The following TOMM70 variants were observed in gnomAD, a reference collection of about 807,000 sequenced individuals.
The protein encoded by TOMM70 is translocase of outer mitochondrial membrane 70, also known as mitochondrial import receptor subunit TOM70.
In TOMM70, 13 loss-of-function variants were observed where a neutral mutation model predicts 73.6. That is an observed-to-expected ratio of 0.18 (90% CI 0.11 to 0.28). The LOEUF (loss-of-function observed/expected upper bound fraction) is 0.28. Ranked by LOEUF, TOMM70 falls within the 10% of genes least tolerant of loss-of-function variation. The probability of loss-of-function intolerance (pLI) is 1.00; values close to 1 mark genes in which losing one functional copy is unlikely to be tolerated. For missense variants in TOMM70, 609 were observed against 747.5 expected, an observed-to-expected ratio of 0.81 and a Z score of 2.16; for synonymous variants, 257 against 271.2, an observed-to-expected ratio of 0.95 and a Z score of 0.51.
chr3:100,374,187 C>G (rs1227225198), intron 7 of TOMM70, among the ~76,000 whole-genome samples: 1 of 152,162 alleles, frequency 6.6e-6, no homozygotes, highest in Non-Finnish European at 1.5e-5. Context: ...GTTTTAGACA[C>G]ACAGATACTT....
intron 1 of TOMM70, among the ~76,000 whole-genome samples, chr3:100,396,073 G>C (rs1706823052): frequency 6.7e-6 from 1 of 148,332 alleles, no homozygotes; most frequent in Non-Finnish European, 1.5e-5. Flanking sequence ...AGCAGGAAAA[G>C]TTATGACATT....
intron 10 of TOMM70, 49 bp downstream of exon 10, chr3:100,368,989 C>A (rs1453274934): frequency 7.3e-7 from 1 of 1,378,850 alleles, no homozygotes; most frequent in Non-Finnish European, 1.0e-6. Flanking sequence ...CATTTTATTA[C>A]TATGCAAGAA....
intron 11 of TOMM70, 39 bp downstream of exon 11, chr3:100,368,005 G>A: frequency 6.3e-7 from 1 of 1,590,146 alleles, no homozygotes; most frequent in Non-Finnish European, 8.6e-7. Context: ...AAATATCTAT[G>A]GAGCTACCAT....
chr3:100,376,369 GTTTT>G (rs141227349), intron 6 of TOMM70, among the ~76,000 whole-genome samples: 1 of 121,774 alleles, frequency 8.2e-6, no homozygotes, highest in East Asian at 2.9e-4. Flanking sequence ...TCACACAGAA[GTTTT>G]TTTTTTTTTT....
intron 7 of TOMM70, 37 bp downstream of exon 7, chr3:100,374,981 C>A: frequency 1.3e-6 from 2 of 1,512,662 alleles, no homozygotes; most frequent in Non-Finnish European, 1.8e-6. Flanking sequence ...AAAGCTCAAT[C>A]CACAAGTCAG....
At chr3:100,378,009 G>C in intron 5 of TOMM70, 97 bp from the exon 6 acceptor site, 1 of 999,434 alleles carries the variant, frequency 1.0e-6, no homozygotes. Context: ...CACTTTGGGA[G>C]GCCGAGGTGG....
At chr3:100,396,311 A>G (rs1399096256) in intron 1 of TOMM70, among the ~76,000 whole-genome samples, 1 of 152,178 alleles carries the variant, frequency 6.6e-6, no homozygotes, top group Admixed American at 6.5e-5. Flanking sequence ...CTACTGTAGT[A>G]GGCTGGCTTA....
At position 100,384,544 on chromosome 3, in the gene TOMM70, TTTG is replaced by T; in HGVS notation, c.667_669del (p.Gln223del). ...AGAACTTTATCGGCTAACAGCATGC[TTTG>T]TTGATTTTGGAACCCTTCTAATATA... On this transcript the variant is annotated inframe_deletion, in exon 4 of 12. Coordinates refer to ENST00000284320, the MANE Select transcript of TOMM70 (RefSeq NM_014820.5). 6.2e-7 allele frequency: 1 copy of T among 1,610,484 alleles called. No individual in the cohort carries two copies. The highest frequency in any genetic ancestry group is 8.5e-7 in the Non-Finnish European group (1 of 1,178,898).
chr3:100,387,599 G>GACAC (rs71752325), intron 1 of TOMM70, among the ~76,000 whole-genome samples: 4,268 of 118,126 alleles, frequency 0.036, 107 homozygotes, highest in African/African-American at 0.068. Flanking sequence ...CACAGACACA[G>GACAC]ACACACACAC....
In TOMM70 at chr3:100,366,721, A is replaced by G. The variant is rs895507638; in HGVS notation, c.1674-1004T>C. ...TCAGAATGGATTTTTTCAAAGTTCAATTAACGTGAACAAAATTCCATCAAA... is the reference window on the plus strand; with the variant it reads ...TCAGAATGGATTTTTTCAAAGTTCAGTTAACGTGAACAAAATTCCATCAAA... On this transcript the variant is annotated intron_variant, in intron 11 of 11. Transcript: ENST00000284320. 7.0e-4 allele frequency among the ~76,000 whole-genome samples: 106 copies of G among 152,232 alleles called. 1 individual carries two copies. Among genetic ancestry groups the G allele is most frequent in the African/African-American group, 2.5e-3 (102 of 41,468 alleles).
intron 6 of TOMM70, among the ~76,000 whole-genome samples, chr3:100,376,909 AATC>A (rs1706572236): frequency 2.0e-5 from 3 of 152,214 alleles, no homozygotes; most frequent in Non-Finnish European, 4.4e-5. Flanking sequence ...TATCAGTTGT[AATC>A]ATCAGGAAAA....
At chr3:100,384,458 C>T in intron 4 of TOMM70, 21 bp downstream of exon 4, 4 of 1,557,736 alleles carry the variant, frequency 2.6e-6, no homozygotes, top group Non-Finnish European at 3.5e-6. Context: ...CTCCCCCATT[C>T]CCCAAATCAG....
At chr3:100,385,845 C>T (rs1423811465) in intron 3 of TOMM70, among the ~76,000 whole-genome samples, 1 of 152,100 alleles carries the variant, frequency 6.6e-6, no homozygotes. Context: ...ATATTATAAA[C>T]ACAGCTCTCA....
chr3:100,391,000 G>A (rs1202597517), intron 1 of TOMM70, among the ~76,000 whole-genome samples: 1 of 151,974 alleles, frequency 6.6e-6, no homozygotes, highest in East Asian at 1.9e-4. Flanking sequence ...AATTAGCCAG[G>A]TGTGGTGGTG....
In TOMM70 at chr3:100,365,337, C is replaced by A; in HGVS notation, c.*227G>T. The stretch of plus-strand genomic sequence containing the variant: ...CAACTTTATTTAAAAATCCCTTTAA[C>A]ATGTTCTAATCTTTTGTTGCACAGG... On this transcript the variant is annotated 3_prime_UTR_variant, in exon 12 of 12. Transcript: ENST00000284320. 1 of 493,782 alleles carries A rather than the reference C, an allele frequency of 2.0e-6. No homozygotes were observed. Among genetic ancestry groups the A allele is most frequent in the Non-Finnish European group, 3.5e-6 (1 of 287,586 alleles). The allele number at this position is 493,782 out of a possible 1,614,324, so 30.6% of individuals were successfully genotyped here. A position where few individuals can be genotyped will look rare whatever the true frequency, so the allele number is the denominator to read the frequency against.
At chr3:100,394,535 G>C (rs933905536) in intron 1 of TOMM70, among the ~76,000 whole-genome samples, 1 of 151,980 alleles carries the variant, frequency 6.6e-6, no homozygotes, top group African/African-American at 2.4e-5. Flanking sequence ...ACAGAGTTTT[G>C]CTCTGTCACC....
At chr3:100,379,148 T>C (rs1345607679) in intron 5 of TOMM70, among the ~76,000 whole-genome samples, 1 of 152,260 alleles carries the variant, frequency 6.6e-6, no homozygotes, top group Non-Finnish European at 1.5e-5. Flanking sequence ...GTATCTCTTA[T>C]TATTCTTCTA....
chr3:100,382,508 G>A (rs939772501), intron 4 of TOMM70, among the ~76,000 whole-genome samples: 16 of 152,124 alleles, frequency 1.1e-4, no homozygotes, highest in South Asian at 4.1e-4. Flanking sequence ...GATTCAATTC[G>A]TTTTAATTTA....
intron 1 of TOMM70, among the ~76,000 whole-genome samples, chr3:100,394,010 T>C (rs963693194): frequency 3.9e-5 from 6 of 152,338 alleles, no homozygotes; most frequent in Admixed American, 3.3e-4. Flanking sequence ...GTCAATGATA[T>C]ACATCTGGCA....
Sources: allele counts gnomAD v4.1 joint callset (sites outside exome capture counted in the v4.1 genomes callset), GRCh38; gene constraint gnomAD v4.1.1; transcripts MANE v1.5; gene names NCBI Gene and HGNC (gene_info 2026-07-23, HGNC 2026-07-21).